ELOVL7: variants seen among roughly 807,000 people sequenced by gnomAD.
The protein encoded by ELOVL7 is very long chain fatty acid elongase 7.
In ELOVL7, 27 loss-of-function variants were observed where a neutral mutation model predicts 35.7. The observed-to-expected ratio is 0.76, with a 90% CI of 0.56 to 1.04. ELOVL7 has a LOEUF of 1.04. Among genes scored for constraint, ELOVL7 ranks in the 50% least tolerant of loss-of-function variants. ELOVL7 has a pLI of 0.00. For missense variants in ELOVL7, 327 were observed against 340.8 expected (o/e 0.96, Z 0.32); for synonymous variants, 113 against 114.6 (o/e 0.99, Z 0.09).
At chr5:60,760,873 T>C (rs1303899427) in intron 7 of ELOVL7, among the ~76,000 whole-genome samples, 1 of 152,148 alleles carries the variant, frequency 6.6e-6, no homozygotes, top group African/African-American at 2.4e-5. Context: ...TTGGATATTT[T>C]CACCATTAAA....
chr5:60,776,953 A>C (rs1351605310), intron 3 of ELOVL7, among the ~76,000 whole-genome samples: 2 of 152,188 alleles, frequency 1.3e-5, no homozygotes, highest in Non-Finnish European at 2.9e-5. Context: ...AAATATAAAA[A>C]TTTATAATTG....
At chr5:60,782,437 A>G (rs1743312057) in intron 3 of ELOVL7, among the ~76,000 whole-genome samples, 1 of 152,204 alleles carries the variant, frequency 6.6e-6, no homozygotes, top group South Asian at 2.1e-4. Flanking sequence ...TATTGAAGGG[A>G]TATCTGCACT....
chr5:60,802,128 A>G (rs1255313280), intron 1 of ELOVL7, among the ~76,000 whole-genome samples: 1 of 134,414 alleles, frequency 7.4e-6, no homozygotes, highest in Non-Finnish European at 1.6e-5. Context: ...ACACACACAC[A>G]CACACACATA....
Position 60,836,019 on chromosome 5 carries a change from T to G in ELOVL7, c.-86+8141A>C, listed in dbSNP as rs529914187. ...TGTGCTTATAGGGAAATGAAGAGCA[T>G]AGGCTCATTGGTCAACTGTTAGATG... On this transcript the variant is annotated intron_variant, in intron 1 of 8. Transcript: ENST00000508821. Among the ~76,000 whole-genome samples the G allele has an allele frequency of 8.0e-4, 122 of 152,114 alleles. 1 individual carries two copies. Among genetic ancestry groups the G allele is most frequent in the African/African-American group, 2.9e-3 (118 of 41,382 alleles).
chr5:60,761,645 C>G (rs1684472642), intron 7 of ELOVL7, among the ~76,000 whole-genome samples: 1 of 151,880 alleles, frequency 6.6e-6, no homozygotes, highest in South Asian at 2.1e-4. Flanking sequence ...ATGAAAAATG[C>G]CAGTGTGAGT....
At chr5:60,819,026 G>A (rs1745709244) in intron 1 of ELOVL7, among the ~76,000 whole-genome samples, 2 of 50 alleles carry the variant, frequency 0.04, no homozygotes, top group Non-Finnish European at 0.091. Context: ...GAGGAGAGGG[G>A]AGGGGAGGGG....
chr5:60,800,087 C>T (rs1399803932), intron 1 of ELOVL7, among the ~76,000 whole-genome samples: 1 of 143,132 alleles, frequency 7.0e-6, no homozygotes, highest in African/African-American at 2.6e-5. Context: ...TCAAACTCTT[C>T]GAAAAAAAAA....
intron 1 of ELOVL7, among the ~76,000 whole-genome samples, chr5:60,805,133 G>A (rs1162349294): frequency 6.6e-6 from 1 of 152,190 alleles, no homozygotes; most frequent in Non-Finnish European, 1.5e-5. Flanking sequence ...TTTCAACAGG[G>A]CAAAAATGTG....
At chr5:60,770,579 C>T (rs1040685739) in intron 4 of ELOVL7, among the ~76,000 whole-genome samples, 1 of 152,162 alleles carries the variant, frequency 6.6e-6, no homozygotes, top group African/African-American at 2.4e-5. Context: ...CTTTTCCTCT[C>T]AGTTGCTCAT....
intron 8 of ELOVL7, 31 bp downstream of exon 8, chr5:60,757,478 T>C: frequency 6.2e-7 from 1 of 1,606,736 alleles, no homozygotes; most frequent in Non-Finnish European, 8.5e-7. Context: ...AGCTGCTTCA[T>C]ATATGGTTTT....
chr5:60,817,752 A>C (rs62372073), intron 1 of ELOVL7, among the ~76,000 whole-genome samples: 3 of 147,688 alleles, frequency 2.0e-5, no homozygotes, highest in African/African-American at 7.4e-5. Flanking sequence ...CACACACCAT[A>C]TATATACCAT....
In ELOVL7 at chr5:60,787,323, T is replaced by C. The variant is rs1561442316; in HGVS notation, c.64+11A>G. On this transcript the variant is annotated intron_variant, in intron 3 of 8. Coordinates refer to ENST00000508821, the MANE Select transcript of ELOVL7 (RefSeq NM_024930.3). ...AAGGATGAACCTCAATTAGGAAATG[T>C]GGTTACTCACCAGCATCTTTGATCC... 3.2e-6 allele frequency: 5 copies of C among 1,584,310 alleles called. No individual in the cohort carries two copies. The highest frequency in any genetic ancestry group is 2.3e-5 in the South Asian group (2 of 85,638).
intron 1 of ELOVL7, among the ~76,000 whole-genome samples, chr5:60,830,284 G>T (rs1420735091): frequency 6.6e-6 from 1 of 152,176 alleles, no homozygotes; most frequent in Non-Finnish European, 1.5e-5. Context: ...AGACATACAA[G>T]TAAACAAACA....
intron 1 of ELOVL7, among the ~76,000 whole-genome samples, chr5:60,839,029 A>AATAT (rs1301025060): frequency 7.2e-5 from 6 of 83,192 alleles, no homozygotes; most frequent in Non-Finnish European, 1.9e-4. Flanking sequence ...GTCAAAAAAA[A>AATAT]ATATATATAT....
In ELOVL7 at chr5:60,754,502, C is replaced by T. The variant is rs1361545281; in HGVS notation, c.*122G>A. 3.5e-6 allele frequency: 3 copies of T among 858,162 alleles called. No individual in the cohort carries two copies. The highest frequency in any genetic ancestry group is 2.7e-5 in the East Asian group (1 of 37,488). 53.2% of individuals were successfully genotyped at this position (858,162 alleles called of 1,614,324 possible). A position where few individuals can be genotyped will look rare whatever the true frequency, so the allele number is the denominator to read the frequency against. ...TCTCAAATATCAGACATCCCAATAACTTACCATAAAAATACAAGCTCTTAG... is the reference window on the plus strand; with the variant it reads ...TCTCAAATATCAGACATCCCAATAATTTACCATAAAAATACAAGCTCTTAG... On this transcript the variant is annotated 3_prime_UTR_variant, in exon 9 of 9. Coordinates refer to ENST00000508821, the MANE Select transcript of ELOVL7 (RefSeq NM_024930.3).
intron 7 of ELOVL7, 39 bp from the exon 8 acceptor site, chr5:60,757,684 C>A: frequency 6.7e-7 from 1 of 1,489,560 alleles, no homozygotes; most frequent in Non-Finnish European, 9.0e-7. Context: ...GCCATTGTTC[C>A]TTAAAATGAA....
Position 60,764,215 on chromosome 5 carries a change from T to G in ELOVL7, c.499+12A>C. 6.3e-7 allele frequency: 1 copy of G among 1,580,984 alleles called. No homozygotes were observed. The highest frequency in any genetic ancestry group is 1.1e-5 in the South Asian group (1 of 89,878). On this transcript the variant is annotated intron_variant, in intron 7 of 8. Coordinates refer to ENST00000508821, the MANE Select transcript of ELOVL7 (RefSeq NM_024930.3). Reference sequence around the variant, plus strand: ...TGTTTATAACACATGATCCCAAATTTCCCTTGTCTACCTGCAGCAAATTTG... The same window carrying G: ...TGTTTATAACACATGATCCCAAATTGCCCTTGTCTACCTGCAGCAAATTTG...
At chr5:60,809,020 T>G (rs1445174192) in intron 1 of ELOVL7, among the ~76,000 whole-genome samples, 1 of 152,178 alleles carries the variant, frequency 6.6e-6, no homozygotes, top group East Asian at 1.9e-4. Context: ...ATGGAAATGT[T>G]ATGAGAACAA....
intron 2 of ELOVL7, among the ~76,000 whole-genome samples, chr5:60,789,604 T>C (rs1743803564): frequency 6.6e-6 from 1 of 152,202 alleles, no homozygotes; most frequent in Non-Finnish European, 1.5e-5. Flanking sequence ...ACAGCATTTC[T>C]ACTTCTAGAA....
Sources: gnomAD v4.1 joint callset for allele counts (sites outside exome capture counted in the v4.1 genomes callset) on GRCh38, gnomAD v4.1.1 for gene constraint, MANE v1.5 for transcripts, NCBI Gene and HGNC (gene_info 2026-07-23, HGNC 2026-07-21) for gene names.